The following CDYL2 variants were observed in gnomAD, a reference collection of about 807,000 sequenced individuals.
CDYL2 encodes chromodomain Y like 2.
In CDYL2, 23 loss-of-function variants were observed where a neutral mutation model predicts 49.4. The ratio of observed to expected loss-of-function variants is 0.47; its 90% CI spans 0.34 to 0.66. The LOEUF (loss-of-function observed/expected upper bound fraction) is 0.66, where lower values mean the gene tolerates loss of function less well. CDYL2 is among the 30% of genes least tolerant of loss of function. The probability of loss-of-function intolerance (pLI) is 0.01; values close to 1 mark genes in which losing one functional copy is unlikely to be tolerated. For missense variants in CDYL2, 678 were observed against 656.4 expected (o/e 1.03, Z -0.36); for synonymous variants, 360 against 268.8 (o/e 1.34, Z -3.32).
intron 1 of CDYL2, among the ~76,000 whole-genome samples, chr16:80,723,986 G>A (rs1224742317): frequency 7.0e-6 from 1 of 141,932 alleles, no homozygotes; most frequent in East Asian, 2.0e-4. Flanking sequence ...AGAGGAAGAA[G>A]CAAGGAGAGA....
chr16:80,702,328 G>A (rs1454048662), intron 1 of CDYL2, among the ~76,000 whole-genome samples: 2 of 151,788 alleles, frequency 1.3e-5, no homozygotes, highest in African/African-American at 4.8e-5. Flanking sequence ...AGCACGTTCT[G>A]CACATGTATC....
chr16:80,609,124 T>C (rs1040689357), intron 5 of CDYL2, among the ~76,000 whole-genome samples: 21 of 152,136 alleles, frequency 1.4e-4, no homozygotes, highest in Non-Finnish European at 1.5e-5. Context: ...CCCCAGAGAA[T>C]TTCCTTTTGC....
intron 1 of CDYL2, among the ~76,000 whole-genome samples, chr16:80,734,439 G>A (rs370458657): frequency 6.6e-6 from 1 of 152,142 alleles, no homozygotes; most frequent in Non-Finnish European, 1.5e-5. Context: ...AAAGACTAAT[G>A]CATTGAGGGT....
At chr16:80,654,267 C>T (rs1908712584) in intron 2 of CDYL2, among the ~76,000 whole-genome samples, 1 of 152,202 alleles carries the variant, frequency 6.6e-6, no homozygotes, top group Non-Finnish European at 1.5e-5. Context: ...CTGTCCCATG[C>T]CCCTCCTAAG....
rs2142463149 is a variant in CDYL2 at position 80,677,830 on chromosome 16, T to C, written c.616+6708A>G. On this transcript the variant is annotated intron_variant, in intron 2 of 6. Coordinates refer to ENST00000570137, the MANE Select transcript of CDYL2 (RefSeq NM_152342.4). ...CAATCCTAAGCCAAAAGAACAAAGC[T>C]GGAGGCATCACGCTACCTGACTTCA... Among the ~76,000 whole-genome samples the C allele has an allele frequency of 2.6e-5, 4 of 151,986 alleles. No homozygotes were observed. The South Asian group carries it at 8.3e-4, about 32-fold the overall frequency.
intron 2 of CDYL2, among the ~76,000 whole-genome samples, chr16:80,668,095 G>C (rs1909344824): frequency 6.6e-6 from 1 of 152,230 alleles, no homozygotes; most frequent in African/African-American, 2.4e-5. Context: ...GCAGGAGCAG[G>C]TCCCTTTGTA....
intron 1 of CDYL2, among the ~76,000 whole-genome samples, chr16:80,703,978 G>C (rs538395250): frequency 6.9e-4 from 105 of 152,304 alleles, no homozygotes; most frequent in Middle Eastern, 3.4e-3. Flanking sequence ...GTACACACAG[G>C]CCAACAATTG....
chr16:80,601,328 G>C lies in CDYL2; in HGVS notation c.*3060C>G, dbSNP rs775292155. On this transcript the variant is annotated 3_prime_UTR_variant, in exon 7 of 7. Coordinates refer to ENST00000570137, the MANE Select transcript of CDYL2 (RefSeq NM_152342.4). ...CAGGATGGGAGGGAGTGGATTGCTA[G>C]AAAGGTCCCTGACTAAAGAGGTGTC... 6.6e-6 allele frequency: 1 copy of C among 152,238 alleles called. No individual in the cohort carries two copies. Among genetic ancestry groups the C allele is most frequent in the African/African-American group, 2.4e-5 (1 of 41,456 alleles). The allele number at this position is 152,238 out of a possible 1,614,324, so 9.4% of individuals were successfully genotyped here.
chr16:80,642,586 G>A (rs182476922), intron 2 of CDYL2, among the ~76,000 whole-genome samples: 219 of 152,234 alleles, frequency 1.4e-3, no homozygotes, highest in African/African-American at 4.7e-3. Flanking sequence ...CAAAGACATC[G>A]GGTAGACTGG....
chr16:80,727,530 T>C lies in CDYL2; in HGVS notation c.25-42401A>G, dbSNP rs183478275. 9.0e-3 allele frequency among the ~76,000 whole-genome samples: 1,369 copies of C among 152,290 alleles called. 17 individuals carry two copies. The highest frequency in any genetic ancestry group is 0.031 in the African/African-American group (1,277 of 41,562). On this transcript the variant is annotated intron_variant, in intron 1 of 6. Transcript: ENST00000570137. ...GAAGCGAGGCTCGGGGAGGGGCGCC[T>C]GCCATTGCCCAGGCTTGCTTAGGTA...
At position 80,730,632 on chromosome 16, in the gene CDYL2, G is replaced by T. The variant is rs537353646; in HGVS notation, c.25-45503C>A. On this transcript the variant is annotated intron_variant, in intron 1 of 6. Coordinates refer to ENST00000570137, the MANE Select transcript of CDYL2 (RefSeq NM_152342.4). ...CCAGCATCATCCTGATACCAAAGCC[G>T]GGCAGAGACACAACCAAAAAAAAGA... is the stretch of plus-strand genomic sequence containing the variant. 2.0e-5 allele frequency among the ~76,000 whole-genome samples: 3 copies of T among 151,992 alleles called. No individual in the cohort carries two copies. The South Asian group carries it at 6.3e-4, about 32-fold the overall frequency.
intron 2 of CDYL2, among the ~76,000 whole-genome samples, chr16:80,682,523 C>A (rs1177707505): frequency 6.6e-6 from 1 of 152,228 alleles, no homozygotes; most frequent in Non-Finnish European, 1.5e-5. Context: ...GAGGCACACC[C>A]TCATGTAGAC....
At chr16:80,721,142 A>C (rs1904985247) in intron 1 of CDYL2, among the ~76,000 whole-genome samples, 1 of 152,186 alleles carries the variant, frequency 6.6e-6, no homozygotes, top group Non-Finnish European at 1.5e-5. Context: ...CAAAAATCCC[A>C]GTGCTACTAA....
chr16:80,610,164 T>C (rs539795978), intron 5 of CDYL2, among the ~76,000 whole-genome samples: 8 of 152,138 alleles, frequency 5.3e-5, no homozygotes, highest in Non-Finnish European at 1.2e-4. Context: ...TCAGCCTCAC[T>C]ATTGCAACAA....
intron 2 of CDYL2, among the ~76,000 whole-genome samples, chr16:80,635,912 C>A (rs1171631414): frequency 6.6e-6 from 1 of 152,156 alleles, no homozygotes; most frequent in African/African-American, 2.4e-5. Context: ...TAACACCACT[C>A]ATCTACAACA....
chr16:80,710,489 T>C (rs1363214175), intron 1 of CDYL2, among the ~76,000 whole-genome samples: 1 of 152,208 alleles, frequency 6.6e-6, no homozygotes, highest in Non-Finnish European at 1.5e-5. Flanking sequence ...GACACTGACG[T>C]GGATGTGCGT....
At chr16:80,690,819 C>T (rs1437849274) in intron 1 of CDYL2, among the ~76,000 whole-genome samples, 1 of 152,156 alleles carries the variant, frequency 6.6e-6, no homozygotes, top group African/African-American at 2.4e-5. Context: ...CCTCCTCTCC[C>T]TCTGCTTCAA....
At chr16:80,690,144 AT>A (rs112035038) in intron 1 of CDYL2, among the ~76,000 whole-genome samples, 6,241 of 150,866 alleles carry the variant, frequency 0.041, 193 homozygotes, top group African/African-American at 0.082. Context: ...AAATAAAAAA[AT>A]AAATAGAAAT....
At chr16:80,649,862 G>C (rs568719856) in intron 2 of CDYL2, among the ~76,000 whole-genome samples, 19 of 152,194 alleles carry the variant, frequency 1.2e-4, no homozygotes, top group Non-Finnish European at 2.1e-4. Context: ...ACATACACTG[G>C]GGAAAGATAG....
Sources: allele counts gnomAD v4.1 joint callset (sites outside exome capture counted in the v4.1 genomes callset), GRCh38; gene constraint gnomAD v4.1.1; transcripts MANE v1.5; gene names NCBI Gene and HGNC (gene_info 2026-07-23, HGNC 2026-07-21).